The following SYTL3 variants were observed in gnomAD, a reference collection of about 807,000 sequenced individuals.
The protein encoded by SYTL3 is synaptotagmin-like protein 3.
In SYTL3, 88 loss-of-function variants were observed where a neutral mutation model predicts 82.1. The ratio of observed to expected loss-of-function variants is 1.07; its 90% CI spans 0.90 to 1.28. SYTL3 has a LOEUF of 1.28. Ranked by LOEUF, SYTL3 falls within the 50% of genes most tolerant of loss-of-function variation. SYTL3 has a pLI of 0.00. For missense variants in SYTL3, 831 were observed against 757.6 expected, an observed-to-expected ratio of 1.10 and a Z score of -1.14; for synonymous variants, 311 against 289.4, an observed-to-expected ratio of 1.07 and a Z score of -0.76.
chr6:158,764,586 G>C lies in SYTL3; in HGVS notation c.1815G>C (p.Met605Ile), dbSNP rs766340390. The C allele has an allele frequency of 6.2e-7, 1 of 1,613,310 alleles. No individual in the cohort carries two copies. The highest frequency in any genetic ancestry group is 8.5e-7 in the Non-Finnish European group (1 of 1,179,270). ...CCAGCCCCAATCTATGGACAGACAT[G>C]ACTCTTGTCCTGCACTGACATGAAG... is the stretch of plus-strand genomic sequence containing the variant. Reference protein sequence around the residue: ...VLSSPNLWTDMTLVLH With the variant: ...VLSSPNLWTDITLVLH The change falls in exon 18 of 18, where the codon ATG becomes ATC. Residue 605 changes from methionine (M) to isoleucine (I), a missense_variant. By Grantham distance (10) the Met-to-Ile change is conservative. Transcript: ENST00000611299.
chr6:158,696,079 T>C (rs150321166), intron 6 of SYTL3, among the ~76,000 whole-genome samples: 2 of 152,358 alleles, frequency 1.3e-5, no homozygotes, highest in East Asian at 3.9e-4. Context: ...GGTAATTCTA[T>C]GTTTAATTTA....
chr6:158,675,515 G>A (rs1199386087), intron 5 of SYTL3, among the ~76,000 whole-genome samples: 3 of 151,994 alleles, frequency 2.0e-5, no homozygotes, highest in Admixed American at 6.6e-5. Context: ...TTTTAGATGC[G>A]AGACTAGTTG....
At position 158,722,762 on chromosome 6, in the gene SYTL3, G is replaced by GTTTTTTTTTTTT. The variant is rs34189391; in HGVS notation, c.721-2726_721-2715dup. Among the ~76,000 whole-genome samples, 18 of 80,878 alleles carry GTTTTTTTTTTTT rather than the reference G, an allele frequency of 2.2e-4. 1 individual carries two copies. Among genetic ancestry groups the GTTTTTTTTTTTT allele is most frequent in the African/African-American group, 4.3e-4 (8 of 18,486 alleles). 53.1% of individuals were successfully genotyped at this position (80,878 alleles called of 152,430 possible). ...AGGAAAAAGATTTTCTCTCTTTTCTGTTTTTTTTTTTTTTTTTTTTTTTTT... is the reference window on the plus strand; with the variant it reads ...AGGAAAAAGATTTTCTCTCTTTTCTGTTTTTTTTTTTTTTTTTTTTTTTTTTTTTTTTTTTTT... On this transcript the variant is annotated intron_variant, in intron 10 of 17. Transcript: ENST00000611299.
intron 5 of SYTL3, among the ~76,000 whole-genome samples, chr6:158,666,886 C>CA (rs1790124687): frequency 6.6e-6 from 1 of 152,354 alleles, no homozygotes; most frequent in East Asian, 1.9e-4. Context: ...CCATTTCGCT[C>CA]ACAGCGTGCC....
chr6:158,742,379 G>A (rs1444405738), intron 11 of SYTL3, among the ~76,000 whole-genome samples: 1 of 152,176 alleles, frequency 6.6e-6, no homozygotes, highest in Admixed American at 6.5e-5. Flanking sequence ...TATCTAGTCT[G>A]AGGCTGAGCT....
At chr6:158,747,015 C>T (rs1787750575) in intron 12 of SYTL3, among the ~76,000 whole-genome samples, 1 of 152,120 alleles carries the variant, frequency 6.6e-6, no homozygotes, top group Non-Finnish European at 1.5e-5. Flanking sequence ...GAGACGGAGT[C>T]TTGCTCTGTT....
intron 11 of SYTL3, 191 bp downstream of exon 11, chr6:158,725,828 C>A (rs1784663370): frequency 1.2e-6 from 1 of 810,824 alleles, no homozygotes; most frequent in Non-Finnish European, 2.0e-6. Flanking sequence ...GCGTTATCCT[C>A]AGGCCTGTGT....
intron 6 of SYTL3, among the ~76,000 whole-genome samples, chr6:158,683,410 G>A (rs1778949022): frequency 2.0e-5 from 3 of 151,924 alleles, no homozygotes; most frequent in South Asian, 2.1e-4. Context: ...TAGTAGAGAC[G>A]GGGTTTCACC....
At chr6:158,698,644 G>A (rs559466940) in intron 6 of SYTL3, among the ~76,000 whole-genome samples, 1 of 152,192 alleles carries the variant, frequency 6.6e-6, no homozygotes, top group East Asian at 1.9e-4. Context: ...CCTCAGGACT[G>A]TGACTTACAG....
At chr6:158,713,089 T>C in intron 8 of SYTL3, among the ~76,000 whole-genome samples, 1 of 152,056 alleles carries the variant, frequency 6.6e-6, no homozygotes, top group Non-Finnish European at 1.5e-5. Context: ...GAGACTGGGG[T>C]GACCTTCAAA....
At chr6:158,706,618 A>G (rs945339862) in intron 6 of SYTL3, among the ~76,000 whole-genome samples, 6 of 152,056 alleles carry the variant, frequency 3.9e-5, no homozygotes, top group East Asian at 1.9e-4. Flanking sequence ...CTTCCTATGC[A>G]TTTGGCCAGG....
At chr6:158,683,992 C>G (rs927071548) in intron 6 of SYTL3, among the ~76,000 whole-genome samples, 3 of 152,170 alleles carry the variant, frequency 2.0e-5, no homozygotes, top group Non-Finnish European at 4.4e-5. Flanking sequence ...GTCTGCAGCC[C>G]AGGAAACACT....
chr6:158,707,358 G>T, intron 7 of SYTL3, 77 bp downstream of exon 7: 1 of 1,283,440 alleles, frequency 7.8e-7, no homozygotes, highest in Non-Finnish European at 1.1e-6. Flanking sequence ...GAACTTATAG[G>T]TCTCTTGACT....
chr6:158,746,090 T>C (rs906700835), intron 12 of SYTL3, among the ~76,000 whole-genome samples: 3 of 152,076 alleles, frequency 2.0e-5, no homozygotes, highest in African/African-American at 7.2e-5. Flanking sequence ...TCTTGTGTCC[T>C]CCCATGGTAG....
intron 12 of SYTL3, among the ~76,000 whole-genome samples, chr6:158,746,619 C>A (rs928382351): frequency 3.3e-5 from 5 of 151,786 alleles, no homozygotes; most frequent in Admixed American, 1.3e-4. Flanking sequence ...GCGTGCACCA[C>A]CACGCCCAGC....
chr6:158,761,451 T>C (rs537572247), intron 15 of SYTL3, among the ~76,000 whole-genome samples: 208 of 151,928 alleles, frequency 1.4e-3, no homozygotes, highest in African/African-American at 4.5e-3. Flanking sequence ...TACAGGCACC[T>C]GCCACCATGC....
At chr6:158,686,360 T>C (rs1268894778) in intron 6 of SYTL3, among the ~76,000 whole-genome samples, 1 of 152,202 alleles carries the variant, frequency 6.6e-6, no homozygotes, top group Non-Finnish European at 1.5e-5. Flanking sequence ...AGCCCTAACT[T>C]TCCCTCCTTC....
At chr6:158,658,951 A>T (rs1262123633) in intron 2 of SYTL3, among the ~76,000 whole-genome samples, 2 of 152,130 alleles carry the variant, frequency 1.3e-5, no homozygotes, top group Non-Finnish European at 2.9e-5. Context: ...GTATGTCTCA[A>T]TCTTATCAAT....
At chr6:158,665,780 C>T (rs143004090) in intron 5 of SYTL3, among the ~76,000 whole-genome samples, 167 bp downstream of exon 5, 212 of 152,182 alleles carry the variant, frequency 1.4e-3, no homozygotes, top group African/African-American at 4.7e-3. Context: ...TATCTTCATC[C>T]AAAAATAAAT....
Sources: allele counts gnomAD v4.1 joint callset (sites outside exome capture counted in the v4.1 genomes callset), GRCh38; gene constraint gnomAD v4.1.1; transcripts MANE v1.5; gene names NCBI Gene and HGNC (gene_info 2026-07-23, HGNC 2026-07-21).